PCDH9: variants seen among roughly 807,000 people sequenced by gnomAD.
PCDH9 encodes the protein protocadherin-9.
A neutral mutation model predicts 70.6 loss-of-function variants in PCDH9; 24 were observed. That is an observed-to-expected ratio of 0.34 (90% CI 0.25 to 0.48). The LOEUF (loss-of-function observed/expected upper bound fraction) is 0.48, where lower values mean the gene tolerates loss of function less well. Among genes scored for constraint, PCDH9 ranks in the 20% least tolerant of loss-of-function variants. The pLI is 0.99. For synonymous variants in PCDH9, 562 were observed against 558.5 expected (o/e 1.01, Z -0.09); for missense variants, 1,281 against 1,503.6 (o/e 0.85, Z 2.45).
chr13:66,347,183 CT>C (rs1359881124), intron 4 of PCDH9, among the ~76,000 whole-genome samples: 1 of 152,130 alleles, frequency 6.6e-6, no homozygotes, highest in African/African-American at 2.4e-5. Context: ...TATATTAAAA[CT>C]CTGGTTCAAT....
At chr13:66,720,457 C>T (rs1256421634) in intron 3 of PCDH9, among the ~76,000 whole-genome samples, 1 of 151,528 alleles carries the variant, frequency 6.6e-6, no homozygotes, top group East Asian at 1.9e-4. Flanking sequence ...ACCAACATGC[C>T]CAGCCTCATT....
In PCDH9 at chr13:67,017,446, G is replaced by A. The variant is rs550820975; in HGVS notation, c.3037-113841C>T. Among the ~76,000 whole-genome samples, 7 of 152,238 alleles carry A rather than the reference G, an allele frequency of 4.6e-5. No individual in the cohort carries two copies. In the East Asian group the frequency reaches 1.4e-3, roughly 29 times the overall value. ...TTCCCTAACAGTTTAAAATACCCCT[G>A]TTTACAAGAATAAGGCAGATGGGTA... On this transcript the variant is annotated intron_variant, in intron 2 of 4. Coordinates refer to ENST00000377865, the MANE Select transcript of PCDH9 (RefSeq NM_203487.3).
chr13:66,664,829 G>T (rs1186052248), intron 3 of PCDH9, among the ~76,000 whole-genome samples: 1 of 151,724 alleles, frequency 6.6e-6, no homozygotes, highest in African/African-American at 2.4e-5. Flanking sequence ...CTCTTACCTG[G>T]CATGTTCCTA....
intron 3 of PCDH9, among the ~76,000 whole-genome samples, chr13:66,753,359 C>T (rs903151078): frequency 2.0e-5 from 3 of 151,910 alleles, no homozygotes; most frequent in South Asian, 2.1e-4. Context: ...CTAGAAGAGG[C>T]GTATCAAATG....
In PCDH9 at chr13:67,154,848, T is replaced by C. The variant is rs533805459; in HGVS notation, c.3036+70557A>G. Among the ~76,000 whole-genome samples the C allele has an allele frequency of 1.6e-3, 243 of 151,542 alleles. 2 individuals carry two copies. Among genetic ancestry groups the C allele is most frequent in the African/African-American group, 5.7e-3 (236 of 41,346 alleles). ...CCTCCCTAGTAGCTGGTACTACAGG[T>C]GCGTGTCACCACACCCAGCAAATTT... On this transcript the variant is annotated intron_variant, in intron 2 of 4. Coordinates refer to ENST00000377865, the MANE Select transcript of PCDH9 (RefSeq NM_203487.3).
At chr13:66,916,538 A>G (rs763904818) in intron 2 of PCDH9, among the ~76,000 whole-genome samples, 3 of 151,590 alleles carry the variant, frequency 2.0e-5, no homozygotes, top group Admixed American at 6.6e-5. Context: ...TCAGCTAAAA[A>G]GGAGGATCTG....
intron 4 of PCDH9, among the ~76,000 whole-genome samples, chr13:66,529,151 C>T (rs1450406699): frequency 2.6e-5 from 4 of 152,024 alleles, no homozygotes; most frequent in Non-Finnish European, 5.9e-5. Flanking sequence ...AATCCAATGG[C>T]TAATTGCACA....
intron 3 of PCDH9, among the ~76,000 whole-genome samples, chr13:66,760,862 G>A (rs929543713): frequency 6.6e-6 from 1 of 152,136 alleles, no homozygotes; most frequent in East Asian, 1.9e-4. Context: ...TGCAGTTGTA[G>A]ATAAGGGATG....
At chr13:67,172,584 A>C (rs187707250) in intron 2 of PCDH9, among the ~76,000 whole-genome samples, 1 of 152,102 alleles carries the variant, frequency 6.6e-6, no homozygotes, top group East Asian at 1.9e-4. Flanking sequence ...CCATTCAAGA[A>C]TGGATGGTTT....
At chr13:66,442,292 T>C (rs933490355) in intron 4 of PCDH9, among the ~76,000 whole-genome samples, 4 of 152,112 alleles carry the variant, frequency 2.6e-5, no homozygotes, top group African/African-American at 9.7e-5. Context: ...AATATGCTTG[T>C]AAGGAAGAAT....
At chr13:66,607,225 A>C (rs931755118) in intron 4 of PCDH9, among the ~76,000 whole-genome samples, 1 of 152,132 alleles carries the variant, frequency 6.6e-6, no homozygotes, top group Non-Finnish European at 1.5e-5. Context: ...TGTGACCTTG[A>C]AACAATTATT....
chr13:66,514,617 G>T (rs1171404587), intron 4 of PCDH9, among the ~76,000 whole-genome samples: 1 of 152,036 alleles, frequency 6.6e-6, no homozygotes, highest in African/African-American at 2.4e-5. Context: ...CACCAAAGGA[G>T]TTTATTCTTC....
chr13:67,145,849 C>T (rs1036528080), intron 2 of PCDH9, among the ~76,000 whole-genome samples: 39 of 152,074 alleles, frequency 2.6e-4, no homozygotes, highest in African/African-American at 9.4e-4. Context: ...TTTCTTCAAA[C>T]TTCAAAAGAG....
In PCDH9 at chr13:67,033,770, A is replaced by G. The variant is rs142405090; in HGVS notation, c.3037-130165T>C. ...AACGCTTAAGAAGAGTTGGTTGAGTATTTTGTATACCAGAAATCATCCCGA... is the reference window on the plus strand; with the variant it reads ...AACGCTTAAGAAGAGTTGGTTGAGTGTTTTGTATACCAGAAATCATCCCGA... On this transcript the variant is annotated intron_variant, in intron 2 of 4. Transcript: ENST00000377865. Among the ~76,000 whole-genome samples the G allele has an allele frequency of 2.6e-3, 401 of 152,318 alleles. 4 individuals are homozygous for G. Among genetic ancestry groups the G allele is most frequent in the African/African-American group, 9.3e-3 (385 of 41,576 alleles).
intron 2 of PCDH9, among the ~76,000 whole-genome samples, chr13:67,145,589 G>T (rs1039083145): frequency 7.2e-6 from 1 of 139,134 alleles, no homozygotes; most frequent in South Asian, 2.4e-4. Flanking sequence ...AGTATAAAAT[G>T]GTAGACTATA....
chr13:66,944,685 C>T (rs1314498427), intron 2 of PCDH9, among the ~76,000 whole-genome samples: 1 of 152,106 alleles, frequency 6.6e-6, no homozygotes, highest in African/African-American at 2.4e-5. Flanking sequence ...AGTGGATAAC[C>T]AACCCTCCCT....
chr13:66,471,785 T>A (rs1958624198), intron 4 of PCDH9, among the ~76,000 whole-genome samples: 5 of 152,180 alleles, frequency 3.3e-5, no homozygotes, highest in Admixed American at 3.3e-4. Context: ...TCCTAACCAT[T>A]GCTCTGCTAG....
chr13:66,730,939 G>A (rs2079071804), intron 3 of PCDH9, among the ~76,000 whole-genome samples: 1 of 132,630 alleles, frequency 7.5e-6, no homozygotes, highest in South Asian at 2.5e-4. Flanking sequence ...TGCCGAGGCT[G>A]TCTCAAACTT....
chr13:66,437,492 G>C (rs1322780617), intron 4 of PCDH9, among the ~76,000 whole-genome samples: 1 of 149,632 alleles, frequency 6.7e-6, no homozygotes, highest in African/African-American at 2.5e-5. Context: ...GAAAAGGGTA[G>C]CAAAGAGGAG....
Sources: allele counts gnomAD v4.1 joint callset (sites outside exome capture counted in the v4.1 genomes callset), GRCh38; gene constraint gnomAD v4.1.1; transcripts MANE v1.5; gene names NCBI Gene and HGNC (gene_info 2026-07-23, HGNC 2026-07-21).